POFUT3: variants seen among roughly 807,000 people sequenced by gnomAD.
The protein encoded by POFUT3 is protein O-fucosyltransferase 3.
chr8:33,317,896 C>A, the POFUT3 span, among the ~76,000 whole-genome samples: 1 of 152,172 alleles, frequency 6.6e-6, no homozygotes, highest in Admixed American at 6.6e-5. Flanking sequence ...CTTCTCCATC[C>A]TTCATCCTCA....
At chr8:33,443,966 CTT>C in the POFUT3 span, among the ~76,000 whole-genome samples, 4,810 of 133,608 alleles carry the variant, frequency 0.036, 91 homozygotes, top group East Asian at 0.082. Flanking sequence ...TTTCTACAAG[CTT>C]TTTTTTTTTT....
At chr8:33,467,733 T>C in the POFUT3 span, among the ~76,000 whole-genome samples, 27 of 152,216 alleles carry the variant, frequency 1.8e-4, 1 homozygote, top group African/African-American at 6.5e-4. Flanking sequence ...TTCCAAATTT[T>C]CAACTGTATT....
At chr8:33,376,228 G>A in the POFUT3 span, among the ~76,000 whole-genome samples, 1 of 151,774 alleles carries the variant, frequency 6.6e-6, no homozygotes, top group East Asian at 1.9e-4. Context: ...AAAAAAAACT[G>A]TCTTAATGGG....
chr8:33,445,153 C>G, the POFUT3 span, among the ~76,000 whole-genome samples: 8 of 152,058 alleles, frequency 5.3e-5, no homozygotes, highest in African/African-American at 1.9e-4. Context: ...AGGCTGGTCT[C>G]AAACTCCTGA....
chr8:33,436,560 T>C, the POFUT3 span: 2 of 923,216 alleles, frequency 2.2e-6, no homozygotes, highest in Middle Eastern at 2.2e-4. Context: ...CATCTTCCTC[T>C]GCAGTTCTGT....
the POFUT3 span, among the ~76,000 whole-genome samples, chr8:33,318,814 T>A: frequency 2.9e-5 from 1 of 34,902 alleles, no homozygotes; most frequent in Non-Finnish European, 4.1e-5. Context: ...TTATATATAT[T>A]ATATATATAT....
the POFUT3 span, among the ~76,000 whole-genome samples, chr8:33,430,010 A>G: frequency 6.6e-6 from 1 of 151,628 alleles, no homozygotes; most frequent in Non-Finnish European, 1.5e-5. Context: ...AAAAAAAAAA[A>G]AAGAAAGACT....
the POFUT3 span, among the ~76,000 whole-genome samples, chr8:33,433,559 G>A: frequency 6.6e-6 from 1 of 151,786 alleles, no homozygotes; most frequent in African/African-American, 2.4e-5. Context: ...TTGCAGTGAG[G>A]GGAGATTGTG....
At chr8:33,389,478 C>T in the POFUT3 span, 172 of 1,614,086 alleles carry the variant, frequency 1.1e-4, no homozygotes, top group Non-Finnish European at 1.3e-4. Context: ...GTCATCAGCT[C>T]GCGAACATAG....
the POFUT3 span, among the ~76,000 whole-genome samples, chr8:33,399,442 A>T: frequency 2.0e-5 from 3 of 152,248 alleles, no homozygotes; most frequent in Non-Finnish European, 4.4e-5. Context: ...ACATGATAAT[A>T]TAACTGTAAG....
At chr8:33,387,489 GA>G in the POFUT3 span, among the ~76,000 whole-genome samples, 283 of 152,186 alleles carry the variant, frequency 1.9e-3, 1 homozygote, top group Non-Finnish European at 2.8e-3. Flanking sequence ...AAATATTTAA[GA>G]AAAGTTGTTG....
the POFUT3 span, among the ~76,000 whole-genome samples, chr8:33,345,525 C>T: frequency 6.6e-6 from 1 of 151,626 alleles, no homozygotes; most frequent in Non-Finnish European, 1.5e-5. Context: ...CTCAGCCTCC[C>T]AAGTGGCAGG....
the POFUT3 span, among the ~76,000 whole-genome samples, chr8:33,465,868 G>A: frequency 4.6e-5 from 7 of 152,138 alleles, no homozygotes; most frequent in African/African-American, 1.7e-4. Flanking sequence ...AAGGAACATA[G>A]TGACAGCTTG....
the POFUT3 span, among the ~76,000 whole-genome samples, chr8:33,329,539 A>G: frequency 6.6e-6 from 1 of 152,324 alleles, no homozygotes; most frequent in East Asian, 1.9e-4. Flanking sequence ...CTATGACACA[A>G]CTGCTCAATA....
chr8:33,333,844 C>T, the POFUT3 span, among the ~76,000 whole-genome samples: 2 of 152,100 alleles, frequency 1.3e-5, no homozygotes, highest in African/African-American at 4.8e-5. Context: ...CTAAGAAGAC[C>T]GTATTGGCGG....
the POFUT3 span, among the ~76,000 whole-genome samples, chr8:33,416,355 C>A: frequency 6.6e-6 from 1 of 152,164 alleles, no homozygotes; most frequent in Non-Finnish European, 1.5e-5. Flanking sequence ...GTAATCCCAG[C>A]ACTTTGGGAG....
the POFUT3 span, among the ~76,000 whole-genome samples, chr8:33,454,987 C>T: frequency 1.3e-5 from 2 of 152,056 alleles, no homozygotes; most frequent in African/African-American, 4.8e-5. Flanking sequence ...TTAATGAAAC[C>T]TATGACAGGA....
the POFUT3 span, among the ~76,000 whole-genome samples, chr8:33,402,222 A>G: frequency 6.6e-6 from 1 of 152,166 alleles, no homozygotes; most frequent in African/African-American, 2.4e-5. Context: ...ATAGCAATCA[A>G]TCTCCAAATT....
At chr8:33,385,543 T>C in the POFUT3 span, among the ~76,000 whole-genome samples, 1 of 152,060 alleles carries the variant, frequency 6.6e-6, no homozygotes, top group Non-Finnish European at 1.5e-5. Flanking sequence ...AGGGTCTGGG[T>C]CACCCTATCA....
Sources: gnomAD v4.1 joint callset for allele counts (sites outside exome capture counted in the v4.1 genomes callset) on GRCh38, gnomAD v4.1.1 for gene constraint, MANE v1.5 for transcripts, NCBI Gene and HGNC (gene_info 2026-07-23, HGNC 2026-07-21) for gene names.